Variants in NPAS3 observed in about 807,000 individuals in gnomAD.
NPAS3 encodes the protein neuronal PAS domain protein 3, also known as neuronal PAS domain-containing protein 3.
NPAS3 carries 14 observed loss-of-function variants against 73.1 expected under a neutral mutation model. The observed-to-expected ratio is 0.19, with a 90% CI of 0.13 to 0.30. NPAS3 has a LOEUF of 0.30. Among genes scored for constraint, NPAS3 ranks in the 10% least tolerant of loss-of-function variants. The pLI is 1.00. For synonymous variants in NPAS3, 620 were observed against 541.5 expected, an observed-to-expected ratio of 1.14 and a Z score of -2.01; for missense variants, 1,096 against 1,250.0, an observed-to-expected ratio of 0.88 and a Z score of 1.86.
At chr14:33,037,714 T>C (rs752208664) in intron 1 of NPAS3, among the ~76,000 whole-genome samples, 1 of 152,064 alleles carries the variant, frequency 6.6e-6, no homozygotes, top group Non-Finnish European at 1.5e-5. Flanking sequence ...CAATAACAAA[T>C]GTTTTCATGA....
At chr14:33,147,627 A>G (rs1190592558) in intron 2 of NPAS3, among the ~76,000 whole-genome samples, 1 of 151,490 alleles carries the variant, frequency 6.6e-6, no homozygotes, top group Non-Finnish European at 1.5e-5. Flanking sequence ...CCTTATGTAA[A>G]TGACGAGTTA....
At chr14:33,091,311 AC>A (rs1461489626) in intron 2 of NPAS3, among the ~76,000 whole-genome samples, 1 of 152,212 alleles carries the variant, frequency 6.6e-6, no homozygotes. Flanking sequence ...AGGGGATATC[AC>A]CACCGATCCC....
At chr14:33,218,646 G>T (rs867498877) in intron 3 of NPAS3, among the ~76,000 whole-genome samples, 1 of 152,066 alleles carries the variant, frequency 6.6e-6, no homozygotes, top group African/African-American at 2.4e-5. Context: ...TAAACCTAAA[G>T]GCATTTGGCA....
chr14:33,333,247 C>T (rs1355875280), intron 3 of NPAS3, among the ~76,000 whole-genome samples: 1 of 152,116 alleles, frequency 6.6e-6, no homozygotes, highest in Non-Finnish European at 1.5e-5. Context: ...TTCTGAGTGC[C>T]TTGAAATAAT....
chr14:33,406,263 A>T (rs1243532588), intron 4 of NPAS3, among the ~76,000 whole-genome samples: 1 of 152,108 alleles, frequency 6.6e-6, no homozygotes, highest in African/African-American at 2.4e-5. Context: ...CTCTTCTCCT[A>T]AGCAAAATGG....
At chr14:33,330,150 G>T (rs1282920344) in intron 3 of NPAS3, among the ~76,000 whole-genome samples, 2 of 151,954 alleles carry the variant, frequency 1.3e-5, no homozygotes, top group South Asian at 4.2e-4. Context: ...GGCCAAGGAG[G>T]GAGAATCACC....
At chr14:33,127,163 T>C (rs1359219278) in intron 2 of NPAS3, among the ~76,000 whole-genome samples, 1 of 152,122 alleles carries the variant, frequency 6.6e-6, no homozygotes, top group Non-Finnish European at 1.5e-5. Flanking sequence ...TTACATCCTC[T>C]GTAAATGGCA....
intron 1 of NPAS3, among the ~76,000 whole-genome samples, chr14:32,943,278 G>A (rs1431878290): frequency 6.6e-6 from 1 of 152,064 alleles, no homozygotes; most frequent in Non-Finnish European, 1.5e-5. Flanking sequence ...GGCTAAAAGT[G>A]ATGTGTAATT....
intron 4 of NPAS3, among the ~76,000 whole-genome samples, chr14:33,421,547 C>CT (rs80147474): frequency 0.26 from 38,232 of 147,884 alleles, 5,062 homozygotes; most frequent in Admixed American, 0.34. Flanking sequence ...CATATAGAAG[C>CT]TTTTTTTTTT....
intron 5 of NPAS3, among the ~76,000 whole-genome samples, chr14:33,615,407 C>T (rs188700191): frequency 8.7e-4 from 133 of 152,130 alleles, no homozygotes; most frequent in Non-Finnish European, 1.5e-3. Context: ...AGGGCAGAAC[C>T]GGAGCAAGGG....
At chr14:33,097,690 A>G (rs531868148) in intron 2 of NPAS3, among the ~76,000 whole-genome samples, 1 of 152,278 alleles carries the variant, frequency 6.6e-6, no homozygotes, top group East Asian at 1.9e-4. Context: ...TCTGTCGTTC[A>G]TTTTTAGCCA....
chr14:33,614,322 C>G (rs200081384), intron 5 of NPAS3, among the ~76,000 whole-genome samples: 2 of 152,282 alleles, frequency 1.3e-5, no homozygotes, highest in Middle Eastern at 6.8e-3. Flanking sequence ...ACAGGCATGA[C>G]AAAGCTACCC....
At chr14:33,394,939 A>G (rs2047158035) in intron 4 of NPAS3, among the ~76,000 whole-genome samples, 1 of 152,172 alleles carries the variant, frequency 6.6e-6, no homozygotes, top group South Asian at 2.1e-4. Flanking sequence ...AGGAAAACAA[A>G]CATTTATCAA....
At chr14:33,465,619 A>C (rs1156635195) in intron 4 of NPAS3, among the ~76,000 whole-genome samples, 2 of 152,200 alleles carry the variant, frequency 1.3e-5, no homozygotes, top group Non-Finnish European at 2.9e-5. Context: ...ACTGAAGCCT[A>C]GAAAAGCTAC....
chr14:33,167,728 A>G (rs1277449761), intron 2 of NPAS3, among the ~76,000 whole-genome samples: 1 of 152,234 alleles, frequency 6.6e-6, no homozygotes, highest in Non-Finnish European at 1.5e-5. Context: ...CAATTCCTTC[A>G]CCATGCCACA....
chr14:33,623,140 T>C (rs558415824), intron 5 of NPAS3, among the ~76,000 whole-genome samples: 1 of 152,284 alleles, frequency 6.6e-6, no homozygotes, highest in South Asian at 2.1e-4. Flanking sequence ...AAGGAAGGCT[T>C]CCTGGGAAGA....
intron 4 of NPAS3, among the ~76,000 whole-genome samples, chr14:33,556,391 TG>T (rs1348860411): frequency 3.9e-5 from 6 of 152,246 alleles, no homozygotes; most frequent in African/African-American, 1.4e-4. Context: ...AATCTGAATC[TG>T]TAAATAATCT....
chr14:33,322,307 C>A (rs1412288499), intron 3 of NPAS3, among the ~76,000 whole-genome samples: 1 of 152,144 alleles, frequency 6.6e-6, no homozygotes, highest in East Asian at 1.9e-4. Context: ...AAGGCATCTG[C>A]CCAGGTTGAT....
At chr14:33,467,643 C>T (rs1257616292) in intron 4 of NPAS3, among the ~76,000 whole-genome samples, 2 of 152,148 alleles carry the variant, frequency 1.3e-5, no homozygotes, top group Non-Finnish European at 2.9e-5. Context: ...GTCCCTCCCC[C>T]GGCTATTTTG....
Sources: gnomAD v4.1 joint callset for allele counts (sites outside exome capture counted in the v4.1 genomes callset) on GRCh38, gnomAD v4.1.1 for gene constraint, MANE v1.5 for transcripts, NCBI Gene and HGNC (gene_info 2026-07-23, HGNC 2026-07-21) for gene names.